Variants in RLF observed in about 807,000 individuals in gnomAD.
RLF encodes RLF zinc finger.
A neutral mutation model predicts 162.9 loss-of-function variants in RLF; 7 were observed. That is an observed-to-expected ratio of 0.04 (90% confidence interval 0.02 to 0.08). The LOEUF (loss-of-function observed/expected upper bound fraction) is 0.08, where lower values mean the gene tolerates loss of function less well. Ranked by LOEUF, RLF falls within the 10% of genes least tolerant of loss-of-function variation. The pLI, the probability that RLF is intolerant of heterozygous loss-of-function variation, is 1.00. For synonymous variants in RLF, 782 were observed against 791.5 expected, an observed-to-expected ratio of 0.99 and a Z score of 0.20; for missense variants, 1,664 against 2,244.7, an observed-to-expected ratio of 0.74 and a Z score of 5.23.
At chr1:40,200,166 C>G (rs766563656) in intron 4 of RLF, among the ~76,000 whole-genome samples, 6 of 152,166 alleles carry the variant, frequency 3.9e-5, no homozygotes, top group Non-Finnish European at 8.8e-5. Context: ...GTCCAGACTC[C>G]ACTTGCTAAA....
chr1:40,222,642 C>T lies in RLF; in HGVS notation c.879C>T (p.Asn293=). Residue 293 remains asparagine, a synonymous_variant, in exon 6 of 8, where the codon AAC becomes AAT. Coordinates refer to ENST00000372771, the MANE Select transcript of RLF (RefSeq NM_012421.4). ...ICNLESEGQD[N]TAFVLCTTYL... ...ATCTGGAATCTGAGGGGCAGGATAA[C>T]ACAGCATTTGTTCTTTGTACGACTT... 1.2e-6 allele frequency: 2 copies of T among 1,613,470 alleles called. No individual in the cohort carries two copies. Among genetic ancestry groups the T allele is most frequent in the Non-Finnish European group, 8.5e-7 (1 of 1,179,718 alleles).
At chr1:40,164,008 A>G (rs1027240624) in intron 1 of RLF, among the ~76,000 whole-genome samples, 78 of 152,346 alleles carry the variant, frequency 5.1e-4, no homozygotes, top group African/African-American at 1.8e-3. Context: ...TCTTGGTTTC[A>G]CATTTGAAAA....
intron 3 of RLF, 142 bp from the exon 4 acceptor site, chr1:40,195,490 T>G: frequency 1.8e-5 from 11 of 613,136 alleles, no homozygotes; most frequent in Middle Eastern, 4.1e-4. Context: ...CACAAGGCTT[T>G]GAGTATAGTC....
In RLF at chr1:40,235,935, C is replaced by T. The variant is rs780986501; in HGVS notation, c.1233C>T (p.Ala411=). The change falls in exon 8 of 8, where the codon GCC becomes GCT. Residue 411 remains alanine, a synonymous_variant. Transcript: ENST00000372771. ...CAGAAGATTTAGAAGTTAGACGAGC[C>T]TGTCAGCTTACAGAATTCTTAATTG... The part of the protein sequence containing the change: ...LLPEDLEVRR[A]CQLTEFLIEP... 5.0e-6 allele frequency: 8 copies of T among 1,614,068 alleles called. No homozygotes were observed. The highest frequency in any genetic ancestry group is 6.8e-6 in the Non-Finnish European group (8 of 1,180,000).
intron 5 of RLF, among the ~76,000 whole-genome samples, chr1:40,217,706 A>G (rs1642943127): frequency 6.6e-6 from 1 of 152,054 alleles, no homozygotes; most frequent in Non-Finnish European, 1.5e-5. Context: ...CGGGAGGCGG[A>G]GGTTGCAGTG....
intron 1 of RLF, among the ~76,000 whole-genome samples, chr1:40,162,436 T>C (rs1445854848): frequency 6.6e-6 from 1 of 152,188 alleles, no homozygotes; most frequent in East Asian, 1.9e-4. Flanking sequence ...TTTTCAAGTC[T>C]TTTACAAATA....
chr1:40,205,706 T>C (rs1642782522), intron 5 of RLF, among the ~76,000 whole-genome samples: 1 of 152,120 alleles, frequency 6.6e-6, no homozygotes, highest in South Asian at 2.1e-4. Context: ...TCAGCCAAGA[T>C]GGTCTCCATC....
At chr1:40,177,790 A>T (rs1642347475) in intron 1 of RLF, 1 of 152,134 alleles carries the variant, frequency 6.6e-6, no homozygotes, top group African/African-American at 2.4e-5. Flanking sequence ...GGATGGATGG[A>T]AAGTTCTTTA....
rs541541346 is a variant in RLF, at chr1:40,239,289, T to A, written c.4587T>A (p.Ser1529Arg). The change falls in exon 8 of 8, where the codon AGT (serine) becomes AGA (arginine). Residue 1529 changes from serine (S) to arginine (R), a missense_variant. By Grantham distance (110) the Ser-to-Arg change is moderately radical. Around this residue, in one of 15 missense-constraint regions of RLF, gnomAD observed 200 missense variants for 207.3 expected, o/e 0.96. Transcript: ENST00000372771. ...GLIKEKKAPI[S>R]FKTRAEALHM... ...TCAAAGAAAAGAAAGCCCCAATAAG[T>A]TTTAAAACCAGAGCTGAGGCCCTCC... The A allele has an allele frequency of 2.5e-6, 4 of 1,613,824 alleles. No individual in the cohort carries two copies. The highest frequency in any genetic ancestry group is 2.2e-5 in the East Asian group (1 of 44,894).
intron 4 of RLF, among the ~76,000 whole-genome samples, chr1:40,196,106 C>T (rs1364060682): frequency 4.0e-5 from 6 of 151,340 alleles, no homozygotes; most frequent in African/African-American, 1.2e-4. Flanking sequence ...GACGTTGTCT[C>T]GCTCTGTCAC....
chr1:40,178,018 T>G (rs552293317), intron 1 of RLF: 3 of 152,200 alleles, frequency 2.0e-5, no homozygotes, highest in African/African-American at 7.2e-5. Context: ...GATAAATCTT[T>G]GGCTCACAAA....
Position 40,240,301 on chromosome 1 carries a change from G to A in RLF, c.5599G>A (p.Ala1867Thr). ...LENLRVVLDK[A>T]LTDCGELALK... ...AAACCTGAGGGTTGTATTGGACAAA[G>A]CATTAACAGACTGTGGAGAGCTTGC... Residue 1867 changes from alanine (A) to threonine (T), a missense_variant, in exon 8 of 8, where the codon GCA (alanine) becomes ACA (threonine). Ala to Thr is a moderately conservative substitution (Grantham distance 58). This residue lies in a region of RLF where 327 missense variants were observed against 342.7 expected (regional missense o/e 0.95). Transcript: ENST00000372771. 1.2e-6 allele frequency: 2 copies of A among 1,614,166 alleles called. No homozygotes were observed. Among genetic ancestry groups the A allele is most frequent in the Non-Finnish European group, 1.7e-6 (2 of 1,180,040 alleles).
chr1:40,226,491 G>C (rs1643077902), intron 6 of RLF, among the ~76,000 whole-genome samples: 1 of 152,140 alleles, frequency 6.6e-6, no homozygotes, highest in Admixed American at 6.5e-5. Context: ...TTACACATTT[G>C]TATTTCTTCA....
chr1:40,177,363 C>T (rs1642341691), intron 1 of RLF, among the ~76,000 whole-genome samples: 1 of 150,220 alleles, frequency 6.7e-6, no homozygotes, highest in Non-Finnish European at 1.5e-5. Flanking sequence ...GATCTCAGCT[C>T]ACTGCAAGCT....
intron 2 of RLF, among the ~76,000 whole-genome samples, chr1:40,189,913 A>G (rs1000862225): frequency 3.9e-5 from 6 of 152,250 alleles, no homozygotes; most frequent in East Asian, 1.9e-4. Context: ...AAAAGATACA[A>G]CAGCCAATCA....
chr1:40,212,643 G>A (rs1173041859), intron 5 of RLF, among the ~76,000 whole-genome samples: 2 of 152,170 alleles, frequency 1.3e-5, no homozygotes, highest in South Asian at 2.1e-4. Flanking sequence ...GCAGGGGTCC[G>A]TTTCATTCTT....
At chr1:40,233,096 A>AC (rs1027403226) in intron 7 of RLF, among the ~76,000 whole-genome samples, 4 of 146,398 alleles carry the variant, frequency 2.7e-5, no homozygotes, top group Non-Finnish European at 6.0e-5. Context: ...CTCTGTCTCA[A>AC]AAAAAAAAAA....
intron 1 of RLF, among the ~76,000 whole-genome samples, chr1:40,164,053 CTGAT>C (rs1225851009): frequency 6.6e-6 from 1 of 152,148 alleles, no homozygotes; most frequent in East Asian, 1.9e-4. Context: ...TTAAGGAACA[CTGAT>C]TGTGTGACAG....
intron 5 of RLF, among the ~76,000 whole-genome samples, chr1:40,212,623 C>T (rs1642877863): frequency 6.6e-6 from 1 of 152,102 alleles, no homozygotes; most frequent in South Asian, 2.1e-4. Context: ...GAGTTCTTGG[C>T]GCAGTTAAGG....
Sources: gnomAD v4.1 joint callset for allele counts (sites outside exome capture counted in the v4.1 genomes callset) on GRCh38, gnomAD v4.1.1 for gene constraint, gnomAD v4.1.1 regional missense constraint, MANE v1.5 for transcripts, NCBI Gene and HGNC (gene_info 2026-07-23, HGNC 2026-07-21) for gene names.